NRG3: variants seen among roughly 807,000 people sequenced by gnomAD.
The protein encoded by NRG3 is neuregulin 3, also known as pro-neuregulin-3, membrane-bound isoform.
A neutral mutation model predicts 66.9 loss-of-function variants in NRG3; 31 were observed. The observed-to-expected ratio is 0.46, with a 90% CI of 0.35 to 0.63. The LOEUF is 0.63. NRG3 is among the 20% of genes least tolerant of loss of function. The pLI, the probability that NRG3 is intolerant of heterozygous loss-of-function variation, is 0.00. For missense variants in NRG3, 910 were observed against 878.9 expected (o/e 1.04, Z -0.45); for synonymous variants, 393 against 359.4 (o/e 1.09, Z -1.06).
At position 82,914,178 on chromosome 10, in the gene NRG3, T is replaced by C. The variant is rs1010895457; in HGVS notation, c.1055-37291T>C. 9.2e-5 allele frequency among the ~76,000 whole-genome samples: 14 copies of C among 152,228 alleles called. No individual in the cohort carries two copies. The East Asian group carries it at 2.1e-3, about 23-fold the overall frequency. On this transcript the variant is annotated intron_variant, in intron 4 of 8. Transcript: ENST00000372141. ...TAGAATTTTTATCTCTCTGCCTACA[T>C]TACCCATCTGTTATTGCATGTTGTG...
chr10:82,848,173 A>C (rs901086841), intron 3 of NRG3, among the ~76,000 whole-genome samples: 2 of 152,206 alleles, frequency 1.3e-5, no homozygotes, highest in African/African-American at 4.8e-5. Context: ...ATTGTGTTGG[A>C]TGTCATAGAT....
At chr10:82,439,047 A>G (rs1476152440) in intron 2 of NRG3, among the ~76,000 whole-genome samples, 2 of 151,262 alleles carry the variant, frequency 1.3e-5, no homozygotes, top group Non-Finnish European at 2.9e-5. Context: ...GTGTTTATTT[A>G]TGAAATGCTT....
chr10:82,062,253 T>A (rs2064196575), intron 1 of NRG3, among the ~76,000 whole-genome samples: 2 of 152,134 alleles, frequency 1.3e-5, no homozygotes, highest in African/African-American at 4.8e-5. Context: ...TTCAGTCTCC[T>A]CTGGATGCCA....
intron 1 of NRG3, among the ~76,000 whole-genome samples, chr10:81,948,593 G>A (rs1055872779): frequency 1.3e-4 from 20 of 152,122 alleles, no homozygotes; most frequent in African/African-American, 4.6e-4. Context: ...GCTTTTTGTT[G>A]AAACAGGCAG....
intron 1 of NRG3, among the ~76,000 whole-genome samples, chr10:82,174,389 A>G (rs1440921714): frequency 6.6e-6 from 1 of 151,014 alleles, no homozygotes; most frequent in Non-Finnish European, 1.5e-5. Context: ...TTTTTTTCGT[A>G]TCTCCATAAT....
intron 8 of NRG3, among the ~76,000 whole-genome samples, chr10:82,979,946 A>G (rs1009060177): frequency 6.6e-6 from 1 of 152,130 alleles, no homozygotes; most frequent in Non-Finnish European, 1.5e-5. Context: ...CCTCACACCC[A>G]TAGTCCCAGC....
chr10:82,227,540 C>T (rs1764086), intron 1 of NRG3, among the ~76,000 whole-genome samples: 15,178 of 151,988 alleles, frequency 0.1, 819 homozygotes, highest in Middle Eastern at 0.18. Flanking sequence ...AAAGAAGAGA[C>T]ATGAAATGTA....
intron 2 of NRG3, among the ~76,000 whole-genome samples, chr10:82,439,832 G>T (rs2090339946): frequency 6.6e-6 from 1 of 152,074 alleles, no homozygotes. Flanking sequence ...TTATATCCAT[G>T]TATAAAAGTA....
chr10:82,927,752 A>C (rs1312032082), intron 4 of NRG3, among the ~76,000 whole-genome samples: 1 of 152,164 alleles, frequency 6.6e-6, no homozygotes, highest in Non-Finnish European at 1.5e-5. Context: ...ATTGATGAGC[A>C]TTTGGGTTTG....
At chr10:82,611,015 AT>A (rs1444640839) in intron 2 of NRG3, among the ~76,000 whole-genome samples, 2 of 152,068 alleles carry the variant, frequency 1.3e-5, no homozygotes, top group African/African-American at 4.8e-5. Context: ...ATGATTATAA[AT>A]ATATACTATG....
At chr10:82,590,058 CT>C (rs1312356271) in intron 2 of NRG3, among the ~76,000 whole-genome samples, 3 of 152,252 alleles carry the variant, frequency 2.0e-5, no homozygotes, top group African/African-American at 7.2e-5. Context: ...TTTTTCAATA[CT>C]TTAATGAGAA....
chr10:82,190,682 A>G (rs2074091335), intron 1 of NRG3, among the ~76,000 whole-genome samples: 1 of 152,174 alleles, frequency 6.6e-6, no homozygotes, highest in Non-Finnish European at 1.5e-5. Flanking sequence ...CCTCTGGGCC[A>G]GTGAGGAAGC....
chr10:81,889,991 A>G lies in NRG3; in HGVS notation c.823+13828A>G, dbSNP rs534940256. On this transcript the variant is annotated intron_variant, in intron 1 of 8. Coordinates refer to ENST00000372141, the MANE Select transcript of NRG3 (RefSeq NM_001010848.4). ...TGAGAGGCTCTGAGTAATTTATGAT[A>G]AATAATGAAATGCTGTTTCCTCCAA... is the stretch of plus-strand genomic sequence containing the variant. Among the ~76,000 whole-genome samples, 138 of 152,184 alleles carry G rather than the reference A, an allele frequency of 9.1e-4. 1 individual carries two copies. Among genetic ancestry groups the G allele is most frequent in the Non-Finnish European group, 1.5e-3 (104 of 68,032 alleles).
chr10:82,382,301 A>G (rs1351348869), intron 2 of NRG3, among the ~76,000 whole-genome samples: 9 of 151,988 alleles, frequency 5.9e-5, no homozygotes, highest in Admixed American at 4.6e-4. Context: ...CTGTGCATTT[A>G]TTCAAATGTT....
At chr10:82,103,470 C>T (rs1276312649) in intron 1 of NRG3, among the ~76,000 whole-genome samples, 1 of 152,080 alleles carries the variant, frequency 6.6e-6, no homozygotes. Context: ...GTGATTGATC[C>T]AATGTCAGTT....
At chr10:82,750,319 T>G (rs1389698654) in intron 3 of NRG3, among the ~76,000 whole-genome samples, 1 of 152,198 alleles carries the variant, frequency 6.6e-6, no homozygotes, top group Admixed American at 6.5e-5. Flanking sequence ...TTTGAGCTAT[T>G]ATCATCTTTA....
intron 4 of NRG3, among the ~76,000 whole-genome samples, chr10:82,877,371 C>CTT (rs59994503): frequency 3.4e-3 from 271 of 78,932 alleles, no homozygotes; most frequent in Non-Finnish European, 5.1e-3. Context: ...ATAGGGCAGA[C>CTT]TTTTTTTTTT....
chr10:81,965,882 T>C (rs967860479), intron 1 of NRG3, among the ~76,000 whole-genome samples: 4 of 152,266 alleles, frequency 2.6e-5, no homozygotes, highest in African/African-American at 9.6e-5. Flanking sequence ...TTCTTATTTC[T>C]AAATTATTAT....
chr10:82,351,563 A>G (rs1192901941), intron 1 of NRG3, among the ~76,000 whole-genome samples: 1 of 152,182 alleles, frequency 6.6e-6, no homozygotes, highest in Non-Finnish European at 1.5e-5. Context: ...CCACCAGCAT[A>G]GACTCAGTTC....
Sources: allele counts gnomAD v4.1 joint callset (sites outside exome capture counted in the v4.1 genomes callset), GRCh38; gene constraint gnomAD v4.1.1; transcripts MANE v1.5; gene names NCBI Gene and HGNC (gene_info 2026-07-23, HGNC 2026-07-21).